BCAR3: variants seen among roughly 807,000 people sequenced by gnomAD.
BCAR3 encodes the protein BCAR3 adaptor protein, NSP family member.
BCAR3 carries 37 observed loss-of-function variants against 80.1 expected under a neutral mutation model. That is an observed-to-expected ratio of 0.46 (90% CI 0.36 to 0.61). The LOEUF (loss-of-function observed/expected upper bound fraction) is 0.61, where lower values mean the gene tolerates loss of function less well. Ranked by LOEUF, BCAR3 falls within the 20% of genes least tolerant of loss-of-function variation. BCAR3 has a pLI of 0.00. For synonymous variants in BCAR3, 389 were observed against 418.9 expected, an observed-to-expected ratio of 0.93 and a Z score of 0.87; for missense variants, 978 against 1,068.2, an observed-to-expected ratio of 0.92 and a Z score of 1.18.
At position 93,613,798 on chromosome 1, in the gene BCAR3, G is replaced by C. The variant is rs907390237; in HGVS notation, c.358-21405C>G. 4 of 1,539,560 alleles carry C rather than the reference G, an allele frequency of 2.6e-6. No individual in the cohort carries two copies. In the African/African-American group the frequency reaches 5.5e-5, roughly 21 times the overall value. Reference sequence around the variant, plus strand: ...CCCTTTAGGAAACTCATGCTTTCAGGGTCCCCCAAAAGATTGACAGATGTA... The same window carrying C: ...CCCTTTAGGAAACTCATGCTTTCAGCGTCCCCCAAAAGATTGACAGATGTA... On this transcript the variant is annotated intron_variant, in intron 3 of 11. Coordinates refer to ENST00000260502, the MANE Select transcript of BCAR3 (RefSeq NM_003567.4).
At chr1:93,674,551 T>C in intron 2 of BCAR3, 63 bp downstream of exon 2, 1 of 1,559,468 alleles carries the variant, frequency 6.4e-7, no homozygotes, top group Non-Finnish European at 8.7e-7. Flanking sequence ...CGCCCGGCCA[T>C]AAAAACCTTT....
chr1:93,787,752 T>A (rs1399545012), intron 2 of BCAR3, among the ~76,000 whole-genome samples: 2 of 152,240 alleles, frequency 1.3e-5, no homozygotes, highest in South Asian at 4.1e-4. Context: ...TCTTGGAGAA[T>A]GTTCCACGTG....
At chr1:93,744,331 G>C (rs531381786) in intron 2 of BCAR3, among the ~76,000 whole-genome samples, 2 of 152,252 alleles carry the variant, frequency 1.3e-5, no homozygotes, top group African/African-American at 4.8e-5. Context: ...CTGAGGATAC[G>C]TTTCAACAGG....
intron 2 of BCAR3, among the ~76,000 whole-genome samples, chr1:93,644,406 AC>A (rs1676087927): frequency 6.6e-6 from 1 of 152,238 alleles, no homozygotes; most frequent in South Asian, 2.1e-4. Flanking sequence ...CCAATTGTCA[AC>A]CAGAAAATGT....
At chr1:93,682,243 T>A (rs916671090), upstream of BCAR3, among the ~76,000 whole-genome samples, 2 of 152,128 alleles carry the variant, frequency 1.3e-5, no homozygotes, top group Non-Finnish European at 2.9e-5. Context: ...ATTGCACTCG[T>A]ATGGACGTAT....
chr1:93,592,553 T>C lies in BCAR3; in HGVS notation c.358-160A>G. Reference sequence around the variant, plus strand: ...GATTACAAAGAGCTGTGACCTTTCGTTTCTCCGGCCGCAACCATGTAATAA... The same window carrying C: ...GATTACAAAGAGCTGTGACCTTTCGCTTCTCCGGCCGCAACCATGTAATAA... On this transcript the variant is annotated intron_variant, in intron 3 of 11. Transcript: ENST00000260502. The surrounding 1 kb of genome is among the most constrained non-coding windows in gnomAD (Gnocchi z 4.8). 1.0e-6 allele frequency: 1 copy of C among 997,784 alleles called. No homozygotes were observed. Among genetic ancestry groups the C allele is most frequent in the Non-Finnish European group, 1.4e-6 (1 of 706,312 alleles). 61.8% of individuals were successfully genotyped at this position (997,784 alleles called of 1,614,324 possible). A position where few individuals can be genotyped will look rare whatever the true frequency, so the allele number is the denominator to read the frequency against.
intron 2 of BCAR3, among the ~76,000 whole-genome samples, chr1:93,729,723 C>T (rs1650715813): frequency 6.6e-6 from 1 of 152,160 alleles, no homozygotes; most frequent in Non-Finnish European, 1.5e-5. Flanking sequence ...GGGCAGCTCC[C>T]CTCAGAAGAA....
chr1:93,622,913 A>G (rs1675357438), intron 3 of BCAR3, among the ~76,000 whole-genome samples: 1 of 152,098 alleles, frequency 6.6e-6, no homozygotes, highest in Non-Finnish European at 1.5e-5. Context: ...GGAGGAAGGG[A>G]GAATTACTAG....
chr1:93,620,379 T>C (rs545849833), intron 3 of BCAR3, among the ~76,000 whole-genome samples: 1 of 152,350 alleles, frequency 6.6e-6, no homozygotes, highest in East Asian at 1.9e-4. Flanking sequence ...TCTGTCATGT[T>C]AGGAGTTGTT....
At chr1:93,839,128 T>C (rs1023949013) in intron 2 of BCAR3, among the ~76,000 whole-genome samples, 9 of 151,964 alleles carry the variant, frequency 5.9e-5, no homozygotes, top group Admixed American at 6.6e-5. Context: ...ACCCCATCTC[T>C]ACTAAAAATA....
intron 2 of BCAR3, among the ~76,000 whole-genome samples, chr1:93,645,673 T>A (rs1676132208): frequency 6.6e-6 from 1 of 151,610 alleles, no homozygotes; most frequent in African/African-American, 2.4e-5. Flanking sequence ...TATGTATCCA[T>A]GTATATTTAA....
At chr1:93,725,572 T>C (rs1418584878) in intron 2 of BCAR3, among the ~76,000 whole-genome samples, 1 of 152,230 alleles carries the variant, frequency 6.6e-6, no homozygotes, top group Non-Finnish European at 1.5e-5. Flanking sequence ...TATCTCTCAG[T>C]TTGGGGTTTG....
At chr1:93,827,633 C>G (rs1394202667) in intron 2 of BCAR3, among the ~76,000 whole-genome samples, 1 of 151,994 alleles carries the variant, frequency 6.6e-6, no homozygotes, top group Non-Finnish European at 1.5e-5. Context: ...AAGGATAAGA[C>G]CAGGCCAGGT....
At chr1:93,648,627 A>G (rs1264226931) in intron 2 of BCAR3, 1 of 152,224 alleles carries the variant, frequency 6.6e-6, no homozygotes, top group African/African-American at 2.4e-5. Context: ...GTGCTTGCTT[A>G]TATTTCCTCC....
intron 2 of BCAR3, among the ~76,000 whole-genome samples, chr1:93,844,075 G>A (rs1191712986): frequency 3.9e-5 from 6 of 152,188 alleles, no homozygotes; most frequent in African/African-American, 1.4e-4. Context: ...TTGGGAGGCC[G>A]AAGCAGGCAG....
chr1:93,788,700 G>A (rs1439111217), intron 2 of BCAR3, among the ~76,000 whole-genome samples: 3 of 152,124 alleles, frequency 2.0e-5, no homozygotes, highest in Non-Finnish European at 4.4e-5. Flanking sequence ...AGATGACTGT[G>A]GGGGCTGGAG....
intron 2 of BCAR3, among the ~76,000 whole-genome samples, chr1:93,674,136 C>T (rs111633592): frequency 6.6e-6 from 1 of 152,050 alleles, no homozygotes; most frequent in African/African-American, 2.4e-5. Context: ...CAAAATAATA[C>T]CAAAGGAGGG....
chr1:93,624,093 T>C (rs1675389571), intron 3 of BCAR3, among the ~76,000 whole-genome samples: 1 of 152,038 alleles, frequency 6.6e-6, no homozygotes, highest in Non-Finnish European at 1.5e-5. Context: ...GTGCCACTGG[T>C]GTAGGGGTGA....
At chr1:93,594,920 A>C (rs145859039) in intron 3 of BCAR3, 1 of 152,242 alleles carries the variant, frequency 6.6e-6, no homozygotes, top group Non-Finnish European at 1.5e-5. Flanking sequence ...TGCTCATAAC[A>C]GCAAGGGTTA....
Sources: allele counts gnomAD v4.1 joint callset (sites outside exome capture counted in the v4.1 genomes callset), GRCh38; gene constraint gnomAD v4.1.1; non-coding constraint Gnocchi (gnomAD v3.1); transcripts MANE v1.5; gene names NCBI Gene and HGNC (gene_info 2026-07-23, HGNC 2026-07-21).